Variants in DIS3L2 observed in about 807,000 individuals in gnomAD.
DIS3L2 encodes DIS3-like exonuclease 2.
Under a neutral mutation model 97.5 loss-of-function variants are expected in DIS3L2, and 34 were observed. The observed-to-expected ratio is 0.35, with a 90% CI of 0.27 to 0.46. The LOEUF is 0.46. Among genes scored for constraint, DIS3L2 ranks in the 20% least tolerant of loss-of-function variants. The pLI is 1.00. For synonymous variants in DIS3L2, 435 were observed against 445.2 expected, an observed-to-expected ratio of 0.98 and a Z score of 0.29; for missense variants, 1,038 against 1,146.0, an observed-to-expected ratio of 0.91 and a Z score of 1.36.
chr2:231,974,047 A>AT (rs980449193), intron 1 of DIS3L2, among the ~76,000 whole-genome samples: 18 of 152,028 alleles, frequency 1.2e-4, no homozygotes, highest in South Asian at 4.2e-4. Flanking sequence ...CAGTTAAAAA[A>AT]ATATATATAT....
chr2:231,973,871 TACA>T (rs1384047164), intron 1 of DIS3L2, among the ~76,000 whole-genome samples: 5 of 151,968 alleles, frequency 3.3e-5, no homozygotes, highest in African/African-American at 9.7e-5. Flanking sequence ...AACTAATAAT[TACA>T]ACAACTATAA....
chr2:232,259,562 G>A (rs549168240), intron 12 of DIS3L2, among the ~76,000 whole-genome samples: 151 of 152,162 alleles, frequency 9.9e-4, no homozygotes, highest in Non-Finnish European at 1.7e-3. Flanking sequence ...TTGCTGCTAC[G>A]TTTTATGCAT....
intron 5 of DIS3L2, among the ~76,000 whole-genome samples, chr2:232,060,798 C>A (rs2106275123): frequency 6.6e-6 from 1 of 152,158 alleles, no homozygotes; most frequent in Admixed American, 6.5e-5. Flanking sequence ...CATGGAATAT[C>A]TTTCCATTTT....
intron 5 of DIS3L2, among the ~76,000 whole-genome samples, chr2:232,038,629 C>G (rs550985571): frequency 2.0e-5 from 3 of 152,168 alleles, no homozygotes; most frequent in Non-Finnish European, 2.9e-5. Context: ...TTCTCACCCC[C>G]TTTATTGATA....
At chr2:232,211,520 G>T (rs961366612) in intron 10 of DIS3L2, among the ~76,000 whole-genome samples, 1 of 152,220 alleles carries the variant, frequency 6.6e-6, no homozygotes, top group African/African-American at 2.4e-5. Flanking sequence ...CTCTAGGGTG[G>T]CTTCTGGGTG....
intron 1 of DIS3L2, among the ~76,000 whole-genome samples, chr2:231,996,589 G>A (rs1306284118): frequency 2.6e-5 from 4 of 152,302 alleles, no homozygotes; most frequent in African/African-American, 4.8e-5. Flanking sequence ...TGAGAGAATA[G>A]TGCATAACCC....
At chr2:232,299,487 G>A (rs908907165) in intron 13 of DIS3L2, among the ~76,000 whole-genome samples, 1 of 152,158 alleles carries the variant, frequency 6.6e-6, no homozygotes, top group East Asian at 1.9e-4. Flanking sequence ...CTGCCCCAGG[G>A]CTTCTGCACT....
chr2:232,310,443 G>A (rs1024342201), intron 14 of DIS3L2, among the ~76,000 whole-genome samples: 2 of 152,158 alleles, frequency 1.3e-5, no homozygotes, highest in Admixed American at 6.5e-5. Flanking sequence ...TGCTGGATTC[G>A]GGTAGTGTTC....
intron 9 of DIS3L2, among the ~76,000 whole-genome samples, chr2:232,185,849 CAAA>C (rs71056259): frequency 1.2e-4 from 12 of 102,240 alleles, no homozygotes; most frequent in Admixed American, 2.9e-4. Flanking sequence ...GACTTCGTCT[CAAA>C]AAAAAAAAAA....
chr2:231,990,900 T>G (rs1401350365), intron 1 of DIS3L2, among the ~76,000 whole-genome samples: 1 of 152,138 alleles, frequency 6.6e-6, no homozygotes, highest in African/African-American at 2.4e-5. Context: ...GACTCCGAGT[T>G]TTTGGAGTGC....
At chr2:232,185,899 A>G (rs1691417866) in intron 9 of DIS3L2, among the ~76,000 whole-genome samples, 1 of 152,152 alleles carries the variant, frequency 6.6e-6, no homozygotes, top group South Asian at 2.1e-4. Flanking sequence ...AGGAAGGAAG[A>G]AAATATAAAG....
chr2:232,270,927 C>G (rs540193531), intron 13 of DIS3L2, among the ~76,000 whole-genome samples: 4 of 149,492 alleles, frequency 2.7e-5, no homozygotes, highest in Non-Finnish European at 5.9e-5. Context: ...TCTCGTCTCT[C>G]TCTCTCTCTC....
chr2:232,336,867 C>G lies in DIS3L2; in HGVS notation c.*237C>G. ...CCCCAGCAGAGCAGGCCCCAGTCCT[C>G]CTGGGAGGCTGGCCCCCCTTTTTTC... On this transcript the variant is annotated 3_prime_UTR_variant, in exon 21 of 21. Coordinates refer to ENST00000325385, the MANE Select transcript of DIS3L2 (RefSeq NM_152383.5). 1 of 1,348,748 alleles carries G rather than the reference C, an allele frequency of 7.4e-7. No individual in the cohort carries two copies. The highest frequency in any genetic ancestry group is 3.2e-5 in the East Asian group (1 of 31,674). The allele number at this position is 1,348,748 out of a possible 1,614,324, so 83.5% of individuals were successfully genotyped here.
chr2:232,217,381 C>T (rs997373955), intron 10 of DIS3L2, among the ~76,000 whole-genome samples: 2 of 152,190 alleles, frequency 1.3e-5, no homozygotes, highest in Non-Finnish European at 2.9e-5. Context: ...TACTTGGGTG[C>T]TTTTTTGCCA....
chr2:232,266,338 A>G (rs1693857736), intron 13 of DIS3L2, among the ~76,000 whole-genome samples: 1 of 152,234 alleles, frequency 6.6e-6, no homozygotes, highest in African/African-American at 2.4e-5. Context: ...GAAGCCCCTA[A>G]AGGTTAAGTG....
intron 14 of DIS3L2, 88 bp from the exon 15 acceptor site, chr2:232,329,725 A>G: frequency 7.6e-7 from 1 of 1,316,610 alleles, no homozygotes; most frequent in Non-Finnish European, 1.0e-6. Flanking sequence ...GGTGATTGAT[A>G]GAGAGCCAGG....
intron 13 of DIS3L2, among the ~76,000 whole-genome samples, chr2:232,289,005 T>C (rs1236083037): frequency 1.3e-5 from 2 of 152,218 alleles, no homozygotes; most frequent in Non-Finnish European, 2.9e-5. Flanking sequence ...GCACAGCTCC[T>C]GTGACTGGGC....
rs1695684558 is a variant in DIS3L2, at chr2:232,329,890, T to C, written c.1817T>C (p.Leu606Pro). 1 of 1,559,240 alleles carries C rather than the reference T, an allele frequency of 6.4e-7. No homozygotes were observed. The highest frequency in any genetic ancestry group is 8.7e-7 in the Non-Finnish European group (1 of 1,149,460). The change falls in exon 15 of 21, where the codon CTG (leucine) becomes CCG (proline). Residue 606 changes from leucine to proline, a missense_variant. Transcript: ENST00000325385. ...CACCGCGCCTTCCCCGAGCAGGCCC[T>C]GCTGCGCCGGCACCCCCCGCCCCAA... The part of the protein sequence containing the change: ...KIHRAFPEQA[L>P]LRRHPPPQTR...
chr2:232,077,311 A>G (rs1696223758), intron 5 of DIS3L2, among the ~76,000 whole-genome samples: 1 of 152,146 alleles, frequency 6.6e-6, no homozygotes. Context: ...CCAAAAAAAA[A>G]AAAAACAGTA....
Sources: allele counts gnomAD v4.1 joint callset (sites outside exome capture counted in the v4.1 genomes callset), GRCh38; gene constraint gnomAD v4.1.1; transcripts MANE v1.5; gene names NCBI Gene and HGNC (gene_info 2026-07-23, HGNC 2026-07-21).